SNTG2: variants seen among roughly 807,000 people sequenced by gnomAD.
SNTG2 encodes the protein syntrophin gamma 2.
A neutral mutation model predicts 70.9 loss-of-function variants in SNTG2; 74 were observed. That is an observed-to-expected ratio of 1.04 (90% CI 0.86 to 1.27). The LOEUF (loss-of-function observed/expected upper bound fraction) is 1.27, where lower values mean the gene tolerates loss of function less well. Among genes scored for constraint, SNTG2 ranks in the 50% most tolerant of loss-of-function variants. The pLI is 0.00. For missense variants in SNTG2, 717 were observed against 690.7 expected (o/e 1.04, Z -0.43); for synonymous variants, 278 against 273.8 (o/e 1.02, Z -0.15).
intron 14 of SNTG2, among the ~76,000 whole-genome samples, chr2:1,300,045 AC>A (rs1364290600): frequency 6.6e-6 from 1 of 151,516 alleles, no homozygotes; most frequent in Non-Finnish European, 1.5e-5. Flanking sequence ...TGTTACCATC[AC>A]CGCTCTGAAG....
intron 1 of SNTG2, among the ~76,000 whole-genome samples, chr2:953,807 C>T (rs1380422962): frequency 6.6e-6 from 1 of 152,086 alleles, no homozygotes; most frequent in African/African-American, 2.4e-5. Context: ...GTTAAAATTG[C>T]CTTGTTTTCT....
At chr2:1,308,227 G>T (rs1680800146) in intron 14 of SNTG2, among the ~76,000 whole-genome samples, 1 of 152,126 alleles carries the variant, frequency 6.6e-6, no homozygotes, top group Admixed American at 6.5e-5. Context: ...CTGTGCATTT[G>T]TTCTGAGTTA....
At position 1,076,885 on chromosome 2, in the gene SNTG2, TTAA is replaced by T. The variant is rs551495843; in HGVS notation, c.73-6631_73-6629del. Among the ~76,000 whole-genome samples the T allele has an allele frequency of 9.8e-5, 15 of 152,330 alleles. No individual in the cohort carries two copies. The East Asian group carries it at 2.1e-3, about 22-fold the overall frequency. Reference sequence around the variant, plus strand: ...AAATTATAAACATTTGCATAAATTATTAATGTTTTGAAACCCTATTCTGAGTCT... The same window carrying T: ...AAATTATAAACATTTGCATAAATTATTGTTTTGAAACCCTATTCTGAGTCT... On this transcript the variant is annotated intron_variant, in intron 1 of 16. Transcript: ENST00000308624.
intron 1 of SNTG2, among the ~76,000 whole-genome samples, chr2:1,068,564 A>G (rs1366853353): frequency 1.3e-5 from 2 of 152,218 alleles, no homozygotes; most frequent in Admixed American, 6.5e-5. Context: ...ATACATTAAA[A>G]TGCAATTAGA....
At chr2:1,067,160 C>T (rs573165863) in intron 1 of SNTG2, among the ~76,000 whole-genome samples, 30 of 150,702 alleles carry the variant, frequency 2.0e-4, no homozygotes, top group East Asian at 5.8e-4. Context: ...GTGAGAAATG[C>T]GCACTAAAAT....
chr2:1,231,084 CTTAGG>C (rs1676204941), intron 9 of SNTG2, among the ~76,000 whole-genome samples: 11 of 148,400 alleles, frequency 7.4e-5, no homozygotes, highest in African/African-American at 2.8e-4. Flanking sequence ...AGGTGAATTA[CTTAGG>C]ATAATGACAG....
chr2:1,314,375 A>G (rs1167800578), intron 15 of SNTG2, among the ~76,000 whole-genome samples: 1 of 152,332 alleles, frequency 6.6e-6, no homozygotes, highest in South Asian at 2.1e-4. Context: ...ACCTGAATCT[A>G]AGGGGCTGAA....
At chr2:1,308,417 T>C in intron 14 of SNTG2, 77 bp from the exon 15 acceptor site, 1 of 1,319,956 alleles carries the variant, frequency 7.6e-7, no homozygotes, top group South Asian at 1.3e-5. Flanking sequence ...CAAAGGGGGG[T>C]TAATATGGAG....
intron 12 of SNTG2, 28 bp downstream of exon 12, chr2:1,247,471 G>GA (rs34365492): frequency 1.3e-6 from 2 of 1,502,878 alleles, no homozygotes; most frequent in Non-Finnish European, 1.9e-6. Flanking sequence ...ACTCCACAGG[G>GA]AGGGGCTGCT....
At chr2:1,248,766 C>T (rs1677588551) in intron 12 of SNTG2, among the ~76,000 whole-genome samples, 1 of 152,166 alleles carries the variant, frequency 6.6e-6, no homozygotes, top group Non-Finnish European at 1.5e-5. Flanking sequence ...GTACCACTGA[C>T]ACTGGAGATG....
intron 1 of SNTG2, among the ~76,000 whole-genome samples, chr2:1,019,396 A>G (rs1215963717): frequency 6.6e-6 from 1 of 152,086 alleles, no homozygotes; most frequent in Non-Finnish European, 1.5e-5. Flanking sequence ...TGGGAAGGGG[A>G]CAAACTGGAG....
chr2:1,051,951 C>A (rs989584521), intron 1 of SNTG2, among the ~76,000 whole-genome samples: 2 of 152,202 alleles, frequency 1.3e-5, no homozygotes, highest in East Asian at 3.8e-4. Context: ...CGCTGATTTT[C>A]AAATGGTAAA....
intron 1 of SNTG2, among the ~76,000 whole-genome samples, chr2:981,534 C>G (rs1034839616): frequency 2.6e-5 from 4 of 152,118 alleles, no homozygotes; most frequent in African/African-American, 7.2e-5. Context: ...GTTCCAAACT[C>G]ATGAGCACAC....
chr2:953,239 G>C (rs1359965719), intron 1 of SNTG2, among the ~76,000 whole-genome samples: 1 of 152,188 alleles, frequency 6.6e-6, no homozygotes, highest in African/African-American at 2.4e-5. Flanking sequence ...GATTTGAGGG[G>C]TAAAATCCCA....
At chr2:1,002,501 T>G (rs1023018231) in intron 1 of SNTG2, among the ~76,000 whole-genome samples, 22 of 152,084 alleles carry the variant, frequency 1.4e-4, no homozygotes, top group African/African-American at 4.1e-4. Context: ...TTTGAATTAA[T>G]GCTGAACGAC....
At chr2:1,235,421 G>C (rs562061825) in intron 9 of SNTG2, among the ~76,000 whole-genome samples, 1 of 129,624 alleles carries the variant, frequency 7.7e-6, no homozygotes, top group African/African-American at 3.1e-5. Flanking sequence ...GCCCCACCAG[G>C]CACCCCCGAT....
At chr2:1,251,710 C>T (rs1266936938) in intron 12 of SNTG2, among the ~76,000 whole-genome samples, 3 of 148,080 alleles carry the variant, frequency 2.0e-5, no homozygotes, top group African/African-American at 7.5e-5. Context: ...ACACCACACA[C>T]ACAACACAAA....
At chr2:1,045,709 G>T (rs1661695734) in intron 1 of SNTG2, among the ~76,000 whole-genome samples, 1 of 152,046 alleles carries the variant, frequency 6.6e-6, no homozygotes, top group African/African-American at 2.4e-5. Flanking sequence ...TGTTTATATT[G>T]ATTTCTACTT....
At chr2:1,233,054 T>C (rs1440736610) in intron 9 of SNTG2, among the ~76,000 whole-genome samples, 1 of 152,258 alleles carries the variant, frequency 6.6e-6, no homozygotes. Context: ...CCACCAGCCA[T>C]CATTTATGGA....
Sources: allele counts gnomAD v4.1 joint callset (sites outside exome capture counted in the v4.1 genomes callset), GRCh38; gene constraint gnomAD v4.1.1; transcripts MANE v1.5; gene names NCBI Gene and HGNC (gene_info 2026-07-23, HGNC 2026-07-21).